Variants in FUBP1 observed in about 807,000 individuals in gnomAD.
The protein encoded by FUBP1 is far upstream element binding protein 1, also known as far upstream element-binding protein 1.
A neutral mutation model predicts 94.9 loss-of-function variants in FUBP1; 16 were observed. The ratio of observed to expected loss-of-function variants is 0.17; its 90% CI spans 0.11 to 0.26. The LOEUF (loss-of-function observed/expected upper bound fraction) is 0.26. Ranked by LOEUF, FUBP1 falls within the 10% of genes least tolerant of loss-of-function variation. The pLI is 1.00. For missense variants in FUBP1, 583 were observed against 808.6 expected (o/e 0.72, Z 3.38); for synonymous variants, 279 against 254.9 (o/e 1.09, Z -0.90).
At chr1:77,953,482 C>G (rs1217137607) in intron 18 of FUBP1, among the ~76,000 whole-genome samples, 1 of 152,008 alleles carries the variant, frequency 6.6e-6, no homozygotes, top group Non-Finnish European at 1.5e-5. Context: ...GAGTGAGACT[C>G]CCTCTCAAAT....
In FUBP1 at chr1:77,978,977, G is replaced by T; in HGVS notation, c.28C>A (p.Pro10Thr). The T allele has an allele frequency of 6.2e-7, 1 of 1,613,808 alleles. No individual in the cohort carries two copies. The change falls in exon 1 of 20, where the codon CCC becomes ACC. Residue 10 changes from proline to threonine, a missense_variant. By Grantham distance (38) the Pro-to-Thr change is conservative. Transcript: ENST00000370768. ...CCGCCACCAGCTGAGCCAGAAGAGG[G>T]GGGAGGCACTGTTGAATAGTCTGCC... MADYSTVPP[P>T]SSGSAGGGGG...
intron 2 of FUBP1, among the ~76,000 whole-genome samples, chr1:77,969,426 A>C (rs1016020327): frequency 2.0e-5 from 3 of 152,082 alleles, no homozygotes; most frequent in Non-Finnish European, 4.4e-5. Flanking sequence ...GCTAAACGTG[A>C]AACACAAAAG....
In FUBP1 at chr1:77,945,979, A is replaced by G. The variant is rs1212048662; in HGVS notation, c.*2787T>C. The G allele has an allele frequency of 4.9e-6, 1 of 203,808 alleles. No individual in the cohort carries two copies. Among genetic ancestry groups the G allele is most frequent in the East Asian group, 7.5e-5 (1 of 13,268 alleles). 12.6% of individuals were successfully genotyped at this position (203,808 alleles called of 1,614,324 possible). A position where few individuals can be genotyped will look rare whatever the true frequency, so the allele number is the denominator to read the frequency against. On this transcript the variant is annotated 3_prime_UTR_variant, in exon 20 of 20. Coordinates refer to ENST00000370768, the MANE Select transcript of FUBP1 (RefSeq NM_003902.5). ...GCCTTTTATCAAAACATACTGCCTT[A>G]TAACTTTTTCCTTCTTCAGCATATA... is the stretch of plus-strand genomic sequence containing the variant.
At chr1:77,979,080 C>CGACCG (rs140681455), upstream of FUBP1, 102 of 1,396,426 alleles carry the variant, frequency 7.3e-5, no homozygotes, top group Non-Finnish European at 9.7e-5. Context: ...AAGAAAATGG[C>CGACCG]GGCCGTCGAA....
intron 1 of FUBP1, among the ~76,000 whole-genome samples, chr1:77,978,664 C>T (rs1447972823): frequency 6.6e-6 from 1 of 152,206 alleles, no homozygotes; most frequent in Non-Finnish European, 1.5e-5. Flanking sequence ...GCCTTCTTTG[C>T]GTAGCACGCG....
chr1:77,973,912 A>C (rs1415449284), intron 1 of FUBP1, among the ~76,000 whole-genome samples: 1 of 151,794 alleles, frequency 6.6e-6, no homozygotes, highest in Non-Finnish European at 1.5e-5. Context: ...TAATTGTTCT[A>C]TTTTATTTTT....
At chr1:77,967,503 G>C in intron 4 of FUBP1, 124 bp downstream of exon 4, 3 of 683,698 alleles carry the variant, frequency 4.4e-6, no homozygotes, top group Non-Finnish European at 5.0e-6. Context: ...CAAGGGGAGT[G>C]ATATGAACTA....
chr1:77,960,797 T>C (rs1237501827), intron 14 of FUBP1: 1 of 267,472 alleles, frequency 3.7e-6, no homozygotes, highest in Non-Finnish European at 7.1e-6. Context: ...TTTCCTTTTA[T>C]CATTCTTACT....
chr1:77,958,360 T>C (rs755636155), intron 16 of FUBP1, among the ~76,000 whole-genome samples: 8 of 152,226 alleles, frequency 5.3e-5, no homozygotes, highest in Non-Finnish European at 8.8e-5. Flanking sequence ...ATCTCACAAT[T>C]AGTAAACTGT....
At chr1:77,957,505 A>G (rs1289513704) in intron 16 of FUBP1, among the ~76,000 whole-genome samples, 1 of 152,222 alleles carries the variant, frequency 6.6e-6, no homozygotes, top group South Asian at 2.1e-4. Context: ...CATCAACTGA[A>G]GTGCGAACAG....
chr1:77,947,731 C>A lies in FUBP1; in HGVS notation c.*1035G>T. On this transcript the variant is annotated 3_prime_UTR_variant, in exon 20 of 20. Transcript: ENST00000370768. ...AGTACATAAAAAAATTAAGTTGATTCAATGATTGGACTTGTGCATTTACAA... is the reference window on the plus strand; with the variant it reads ...AGTACATAAAAAAATTAAGTTGATTAAATGATTGGACTTGTGCATTTACAA... 3.6e-6 allele frequency: 2 copies of A among 553,814 alleles called. No individual in the cohort carries two copies. The highest frequency in any genetic ancestry group is 2.0e-5 in the South Asian group (1 of 51,162). The allele number at this position is 553,814 out of a possible 1,614,324, so 34.3% of individuals were successfully genotyped here. A position where few individuals can be genotyped will look rare whatever the true frequency, so the allele number is the denominator to read the frequency against.
chr1:77,959,640 C>T (rs1220473632), intron 16 of FUBP1, among the ~76,000 whole-genome samples: 2 of 152,066 alleles, frequency 1.3e-5, no homozygotes, highest in Non-Finnish European at 2.9e-5. Flanking sequence ...AACTTCTAGG[C>T]TCAAGCAATC....
chr1:77,965,221 G>GT lies in FUBP1; in HGVS notation c.483dup (p.Arg162ThrfsTer8), dbSNP rs1405120226. On this transcript the variant is annotated frameshift_variant, in exon 8 of 20. Transcript: ENST00000370768. LOFTEE classifies it high-confidence loss of function. ...TTTTCAACAATCTGGTCCAGTAACC[G>GT]TTTTGCTGACCTGTTAACAAATTAA... 1.2e-6 allele frequency: 2 copies of GT among 1,601,744 alleles called. No individual in the cohort carries two copies. Among genetic ancestry groups the GT allele is most frequent in the Non-Finnish European group, 1.7e-6 (2 of 1,170,076 alleles).
At position 77,965,194 on chromosome 1, in the gene FUBP1, CT is replaced by C; in HGVS notation, c.510del (p.Gly171GlufsTer21). On this transcript the variant is annotated frameshift_variant, in exon 8 of 20. Coordinates refer to ENST00000370768, the MANE Select transcript of FUBP1 (RefSeq NM_003902.5). LOFTEE classifies it high-confidence loss of function. ...TGATGGAAGCCAGGAGCTGGTCTTC[CT>C]TTTTCAACAATCTGGTCCAGTAACC... ...AKRLLDQIVE[K>X]GRPAPGFHHG... The C allele has an allele frequency of 1.2e-6, 2 of 1,611,026 alleles. No individual in the cohort carries two copies. The highest frequency in any genetic ancestry group is 1.7e-6 in the Non-Finnish European group (2 of 1,177,474).
In FUBP1 at chr1:77,949,095, C is replaced by A; in HGVS notation, c.1926+60G>T. The A allele has an allele frequency of 5.5e-6, 8 of 1,464,694 alleles. No homozygotes were observed. The South Asian group carries it at 9.2e-5, about 17-fold the overall frequency. 90.7% of individuals were successfully genotyped at this position (1,464,694 alleles called of 1,614,324 possible). Reference sequence around the variant, plus strand: ...AGGCAAACACTCCCAAACAGACAAACAGTAAACATGCAGAAAACAGACTGG... The same window carrying A: ...AGGCAAACACTCCCAAACAGACAAAAAGTAAACATGCAGAAAACAGACTGG... On this transcript the variant is annotated intron_variant, in intron 19 of 19. Transcript: ENST00000370768.
At chr1:77,962,488 A>T (rs1015949251) in intron 14 of FUBP1, among the ~76,000 whole-genome samples, 2 of 152,186 alleles carry the variant, frequency 1.3e-5, no homozygotes, top group African/African-American at 4.8e-5. Context: ...TATGTTCCAC[A>T]ATCCTACACC....
In FUBP1 at chr1:77,966,542, T is replaced by A. The variant is rs542251421; in HGVS notation, c.473+152A>T. 9.4e-5 allele frequency: 57 copies of A among 603,352 alleles called. No individual in the cohort carries two copies. The South Asian group carries it at 1.1e-3, about 12-fold the overall frequency. 37.4% of individuals were successfully genotyped at this position (603,352 alleles called of 1,614,324 possible). A position where few individuals can be genotyped will look rare whatever the true frequency, so the allele number is the denominator to read the frequency against. On this transcript the variant is annotated intron_variant, in intron 7 of 19. Coordinates refer to ENST00000370768, the MANE Select transcript of FUBP1 (RefSeq NM_003902.5). ...TGATGAACCCCACCTGAGAAAGGCA[T>A]GAGGCATAAACTTCAAAGGAGTTGG...
chr1:77,969,176 T>G (rs1379792798), intron 2 of FUBP1: 11 of 378,486 alleles, frequency 2.9e-5, no homozygotes, highest in Non-Finnish European at 5.8e-5. Context: ...ACTATAAATA[T>G]GAAAGACACT....
At chr1:77,951,159 A>T (rs2102254797) in intron 18 of FUBP1, among the ~76,000 whole-genome samples, 1 of 152,344 alleles carries the variant, frequency 6.6e-6, no homozygotes, top group South Asian at 2.1e-4. Flanking sequence ...GTAGCAATCA[A>T]TAGTCTTCAG....
Sources: allele counts gnomAD v4.1 joint callset (sites outside exome capture counted in the v4.1 genomes callset), GRCh38; gene constraint gnomAD v4.1.1; transcripts MANE v1.5; gene names NCBI Gene and HGNC (gene_info 2026-07-23, HGNC 2026-07-21).